Variants in FMN1 observed in about 807,000 individuals in gnomAD.
The protein encoded by FMN1 is formin 1.
In FMN1, 110 loss-of-function variants were observed where a neutral mutation model predicts 132.4. The ratio of observed to expected loss-of-function variants is 0.83; its 90% CI spans 0.71 to 0.97. The LOEUF (loss-of-function observed/expected upper bound fraction) is 0.97. FMN1 is among the 50% of genes least tolerant of loss of function. The pLI is 0.00. For missense variants in FMN1, 1,792 were observed against 1,705.3 expected (o/e 1.05, Z -0.90); for synonymous variants, 722 against 651.7 (o/e 1.11, Z -1.64).
intron 9 of FMN1, among the ~76,000 whole-genome samples, chr15:32,933,245 C>T (rs1204589271): frequency 6.6e-6 from 1 of 152,122 alleles, no homozygotes; most frequent in Admixed American, 6.6e-5. Context: ...ACTGGTTGTT[C>T]AAAAGTGTGC....
chr15:32,961,151 T>A (rs973326670), intron 9 of FMN1, among the ~76,000 whole-genome samples: 1 of 151,424 alleles, frequency 6.6e-6, no homozygotes, highest in African/African-American at 2.4e-5. Flanking sequence ...TTTTTTTTTT[T>A]AGACGGAGTT....
chr15:32,865,570 C>T (rs555309834), intron 16 of FMN1, among the ~76,000 whole-genome samples: 1 of 152,320 alleles, frequency 6.6e-6, no homozygotes, highest in East Asian at 1.9e-4. Flanking sequence ...GGCAAGGTGG[C>T]TCACGCCTGT....
chr15:33,024,223 ATTTTTTTTTTTT>A (rs555760509), intron 6 of FMN1, among the ~76,000 whole-genome samples: 58 of 87,998 alleles, frequency 6.6e-4, no homozygotes, highest in African/African-American at 2.1e-3. Context: ...CACCTATCAG[ATTTTTTTTTTTT>A]TTTTTTTTTT....
At chr15:32,838,580 T>C (rs577067287) in intron 17 of FMN1, among the ~76,000 whole-genome samples, 75 of 152,330 alleles carry the variant, frequency 4.9e-4, no homozygotes, top group African/African-American at 1.7e-3. Context: ...ACAACACACA[T>C]GCCCGCTTAA....
chr15:32,899,128 A>C (rs1334135169), intron 14 of FMN1, among the ~76,000 whole-genome samples: 1 of 148,070 alleles, frequency 6.8e-6, no homozygotes, highest in East Asian at 1.9e-4. Flanking sequence ...AATCCATAAA[A>C]CTTCTGAAAT....
At position 32,968,908 on chromosome 15, in the gene FMN1, AG is replaced by A. The variant is rs2031503195; in HGVS notation, c.2792del (p.Pro931LeufsTer52). 6.2e-5 allele frequency: 7 copies of A among 112,360 alleles called. No homozygotes were observed. The highest frequency in any genetic ancestry group is 1.0e-4 in the Non-Finnish European group (7 of 69,500). 7.0% of individuals were successfully genotyped at this position (112,360 alleles called of 1,614,324 possible). On this transcript the variant is annotated frameshift_variant, in exon 8 of 21. Coordinates refer to ENST00000616417, the MANE Select transcript of FMN1 (RefSeq NM_001277313.2). LOFTEE classifies it high-confidence loss of function. ...CAGGGTTGGGTGGGGCAGGGGAGTTAGGAAGTGGGGGTGGGGGTGGGGGTGG... is the reference window on the plus strand; with the variant it reads ...CAGGGTTGGGTGGGGCAGGGGAGTTAGAAGTGGGGGTGGGGGTGGGGGTGG... ...PPPPPPPPPL[P>X]NSPAPPNPGG... is the part of the protein sequence containing the mutation.
At chr15:33,014,149 G>T (rs752025261) in intron 6 of FMN1, among the ~76,000 whole-genome samples, 5 of 152,202 alleles carry the variant, frequency 3.3e-5, no homozygotes, top group Non-Finnish European at 5.9e-5. Flanking sequence ...TTTACTACTG[G>T]CATTGGTGAA....
chr15:32,967,983 C>G (rs1038929042), intron 8 of FMN1, among the ~76,000 whole-genome samples: 2 of 152,248 alleles, frequency 1.3e-5, no homozygotes, highest in Non-Finnish European at 2.9e-5. Flanking sequence ...TAAGGCAGAA[C>G]AAATCACACT....
chr15:33,152,356 A>C (rs1964471395), intron 4 of FMN1, among the ~76,000 whole-genome samples: 1 of 152,206 alleles, frequency 6.6e-6, no homozygotes, highest in Non-Finnish European at 1.5e-5. Flanking sequence ...CTATACCAGT[A>C]ACAGTAACAA....
chr15:33,166,701 A>T (rs1595591240), intron 3 of FMN1, among the ~76,000 whole-genome samples: 1 of 152,172 alleles, frequency 6.6e-6, no homozygotes, highest in Admixed American at 6.5e-5. Context: ...TCTGTTTACC[A>T]TGAGGATCAA....
chr15:33,191,312 G>A lies in FMN1; in HGVS notation c.-197+2597C>T, dbSNP rs144515595. Among the ~76,000 whole-genome samples, 1,053 of 152,308 alleles carry A rather than the reference G, an allele frequency of 6.9e-3. 9 individuals carry two copies. The highest frequency in any genetic ancestry group is 0.024 in the African/African-American group (985 of 41,558). ...ATGACACTTTAGAAGGAAGAGATAG[G>A]CATAGTTCGAATAAGATGGAACATA... On this transcript the variant is annotated intron_variant, in intron 2 of 20. Transcript: ENST00000616417.
At chr15:33,035,363 T>C (rs934995272) in intron 6 of FMN1, among the ~76,000 whole-genome samples, 1 of 152,208 alleles carries the variant, frequency 6.6e-6, no homozygotes, top group Non-Finnish European at 1.5e-5. Flanking sequence ...AAATGATTTT[T>C]TTCCTATCTA....
chr15:32,879,884 T>C (rs919778983), intron 16 of FMN1, among the ~76,000 whole-genome samples: 3 of 152,142 alleles, frequency 2.0e-5, no homozygotes, highest in Non-Finnish European at 4.4e-5. Context: ...GTCAAAGTTA[T>C]ACGTGCACGC....
chr15:32,957,554 A>T (rs573648556), intron 9 of FMN1, among the ~76,000 whole-genome samples: 10 of 152,166 alleles, frequency 6.6e-5, no homozygotes, highest in African/African-American at 2.4e-4. Flanking sequence ...ACTTCCATGA[A>T]TATCAACAAA....
intron 9 of FMN1, among the ~76,000 whole-genome samples, chr15:32,953,164 C>A (rs779730572): frequency 2.0e-5 from 3 of 152,202 alleles, no homozygotes; most frequent in African/African-American, 7.2e-5. Flanking sequence ...AACCTCCAAT[C>A]CCGTTTGTAC....
chr15:33,140,957 C>T (rs1436183064), intron 4 of FMN1, among the ~76,000 whole-genome samples: 4 of 152,142 alleles, frequency 2.6e-5, no homozygotes, highest in Non-Finnish European at 5.9e-5. Flanking sequence ...TTCAAACTTT[C>T]TTATAAGTGA....
At position 32,898,836 on chromosome 15, in the gene FMN1, G is replaced by T. The variant is rs759253186; in HGVS notation, c.3712C>A (p.Gln1238Lys). The change falls in exon 15 of 21, where the codon CAG (glutamine) becomes AAG (lysine). Residue 1238 changes from glutamine to lysine, a missense_variant and splice_region_variant. Physicochemically the swap from Gln to Lys is moderately conservative, Grantham distance 53. Around this residue, in one of 3 missense-constraint regions of FMN1, gnomAD observed 1,150 missense variants for 1,043.1 expected, o/e 1.10. Coordinates refer to ENST00000616417, the MANE Select transcript of FMN1 (RefSeq NM_001277313.2). ...TTCCACGTAATACCATTTCTTACCT[G>T]ATCATAGTAACGCAGGTAATACTTA... ...VVKYYLRYYD[Q>K]EAGTEKSVFP... 2 of 1,591,880 alleles carry T rather than the reference G, an allele frequency of 1.3e-6. No homozygotes were observed. The highest frequency in any genetic ancestry group is 1.7e-6 in the Non-Finnish European group (2 of 1,161,116).
chr15:32,887,916 C>A (rs180851719), intron 16 of FMN1, among the ~76,000 whole-genome samples: 1 of 152,106 alleles, frequency 6.6e-6, no homozygotes, highest in East Asian at 1.9e-4. Flanking sequence ...GTTATAACTA[C>A]TAAATGTTAG....
intron 17 of FMN1, among the ~76,000 whole-genome samples, chr15:32,834,676 T>C (rs1387240800): frequency 1.3e-5 from 2 of 152,234 alleles, no homozygotes; most frequent in Non-Finnish European, 2.9e-5. Flanking sequence ...TCAGCAATTT[T>C]TCCCTAAGAC....
Sources: gnomAD v4.1 joint callset for allele counts (sites outside exome capture counted in the v4.1 genomes callset) on GRCh38, gnomAD v4.1.1 for gene constraint, gnomAD v4.1.1 regional missense constraint, MANE v1.5 for transcripts, NCBI Gene and HGNC (gene_info 2026-07-23, HGNC 2026-07-21) for gene names.